Variants in FREM1 observed in about 807,000 individuals in gnomAD.
FREM1 encodes the protein FRAS1 related extracellular matrix 1.
Under a neutral mutation model 210.1 loss-of-function variants are expected in FREM1, and 220 were observed. The observed-to-expected ratio is 1.05, with a 90% CI of 0.94 to 1.17. The LOEUF is 1.17. Among genes scored for constraint, FREM1 ranks in the 50% most tolerant of loss-of-function variants. The pLI, the probability that FREM1 is intolerant of heterozygous loss-of-function variation, is 0.00. For missense variants in FREM1, 3,454 were observed against 2,675.5 expected (o/e 1.29, Z -6.42); for synonymous variants, 1,189 against 980.2 (o/e 1.21, Z -3.98).
chr9:14,792,946 A>C, intron 21 of FREM1, 62 bp from the exon 22 acceptor site: 1 of 995,188 alleles, frequency 1.0e-6, no homozygotes, highest in Admixed American at 2.6e-5. Context: ...AGTAGGGGAC[A>C]CTTATATTGA....
At chr9:14,896,992 G>T (rs962079730) in intron 1 of FREM1, among the ~76,000 whole-genome samples, 1 of 152,124 alleles carries the variant, frequency 6.6e-6, no homozygotes, top group African/African-American at 2.4e-5. Context: ...CAACCACCAT[G>T]AATATTTTTG....
At chr9:14,872,360 G>A (rs1033399747) in intron 1 of FREM1, among the ~76,000 whole-genome samples, 10 of 152,236 alleles carry the variant, frequency 6.6e-5, no homozygotes, top group African/African-American at 2.4e-4. Context: ...GTGGTTTGTA[G>A]TTCTCCTTGA....
At chr9:14,765,557 C>G (rs922207604) in intron 27 of FREM1, among the ~76,000 whole-genome samples, 4 of 152,188 alleles carry the variant, frequency 2.6e-5, no homozygotes, top group African/African-American at 7.2e-5. Context: ...TTCCTAAGAT[C>G]TAGTCTGAAG....
At position 14,811,564 on chromosome 9, in the gene FREM1, C is replaced by G. The variant is rs560933952; in HGVS notation, c.2893+1248G>C. 3.9e-4 allele frequency among the ~76,000 whole-genome samples: 60 copies of G among 152,258 alleles called. 1 individual carries two copies. Among genetic ancestry groups the G allele is most frequent in the African/African-American group, 1.3e-3 (56 of 41,554 alleles). On this transcript the variant is annotated intron_variant, in intron 16 of 36. Transcript: ENST00000380880. The stretch of plus-strand genomic sequence containing the variant: ...CGCTCCTCAGGACAAGGTAATCACC[C>G]AGGAAAGCTTTCCTAAGACTAAACA...
Position 14,741,642 on chromosome 9 carries a change from AG to A in FREM1, c.6255-1409del, listed in dbSNP as rs144763129. Among the ~76,000 whole-genome samples, 547 of 152,348 alleles carry A rather than the reference AG, an allele frequency of 3.6e-3. 2 individuals carry two copies. Among genetic ancestry groups the A allele is most frequent in the African/African-American group, 0.012 (519 of 41,598 alleles). On this transcript the variant is annotated intron_variant, in intron 35 of 36. Coordinates refer to ENST00000380880, the MANE Select transcript of FREM1 (RefSeq NM_001379081.2). The stretch of plus-strand genomic sequence containing the variant: ...TGAAACTTGGGTTAAATATAAGCTG[AG>A]GGAGGGCTTGAGGGACTGTCCCAGT...
intron 23 of FREM1, among the ~76,000 whole-genome samples, chr9:14,786,412 C>CA (rs895423145): frequency 1.1e-4 from 16 of 152,072 alleles, no homozygotes; most frequent in Non-Finnish European, 1.0e-4. Flanking sequence ...ACACAGTGGC[C>CA]AAAAAAATTT....
In FREM1 at chr9:14,868,867, G is replaced by A; in HGVS notation, c.111C>T (p.Gly37=). The change falls in exon 2 of 37, where the codon GGC becomes GGT. Residue 37 remains glycine, a synonymous_variant. Transcript: ENST00000380880. ...SINRGVRVMK[G]HSAFLSGDDL... ...CATCTCCTGACAGGAAGGCAGAGTG[G>A]CCCTTCATCACCCTCACCCCGCGGT... 1 of 1,608,768 alleles carries A rather than the reference G, an allele frequency of 6.2e-7. No homozygotes were observed. The highest frequency in any genetic ancestry group is 1.3e-5 in the African/African-American group (1 of 74,964).
intron 20 of FREM1, among the ~76,000 whole-genome samples, chr9:14,800,509 AT>A (rs1204314267): frequency 6.6e-6 from 1 of 152,224 alleles, no homozygotes; most frequent in East Asian, 1.9e-4. Flanking sequence ...AGAGTAAATT[AT>A]CCCCTCAGAA....
At chr9:14,824,158 A>G (rs767966109) in intron 11 of FREM1, 43 bp from the exon 12 acceptor site, 2 of 1,252,760 alleles carry the variant, frequency 1.6e-6, no homozygotes, top group South Asian at 1.3e-5. Flanking sequence ...ATTTTTAGGT[A>G]AGAAAAATGA....
chr9:14,901,001 C>G (rs1838691012), intron 1 of FREM1, among the ~76,000 whole-genome samples: 1 of 152,184 alleles, frequency 6.6e-6, no homozygotes. Context: ...AGTTTAGCTA[C>G]TAAAATTTTG....
intron 5 of FREM1, among the ~76,000 whole-genome samples, chr9:14,852,412 G>C (rs1017140803): frequency 6.6e-6 from 1 of 152,206 alleles, no homozygotes; most frequent in Non-Finnish European, 1.5e-5. Flanking sequence ...ACAGGGTGAG[G>C]TGTGGTAGCT....
In FREM1 at chr9:14,747,067, G is replaced by C. The variant is rs1016487209; in HGVS notation, c.6010-16C>G. On this transcript the variant is annotated splice_polypyrimidine_tract_variant and intron_variant, in intron 33 of 36. Coordinates refer to ENST00000380880, the MANE Select transcript of FREM1 (RefSeq NM_001379081.2). ...GCAACTGGTCCTTTGGGAAGGAAAG[G>C]CAATTTAGCAATTTAGAATTGACTT... The C allele has an allele frequency of 1.9e-6, 3 of 1,612,360 alleles. No homozygotes were observed. Among genetic ancestry groups the C allele is most frequent in the South Asian group, 2.2e-5 (2 of 90,830 alleles).
chr9:14,747,787 G>T, intron 31 of FREM1, 59 bp from the exon 32 acceptor site: 1 of 976,612 alleles, frequency 1.0e-6, no homozygotes, highest in Non-Finnish European at 1.5e-6. Flanking sequence ...ACTAGCAATA[G>T]GGTAAAACCA....
At chr9:14,810,769 AT>A (rs1287428069) in intron 16 of FREM1, among the ~76,000 whole-genome samples, 6 of 152,356 alleles carry the variant, frequency 3.9e-5, no homozygotes, top group African/African-American at 1.2e-4. Flanking sequence ...TTACAACATA[AT>A]TGCAACTATG....
At chr9:14,862,037 A>G (rs571314882) in intron 3 of FREM1, among the ~76,000 whole-genome samples, 2 of 152,328 alleles carry the variant, frequency 1.3e-5, no homozygotes, top group South Asian at 2.1e-4. Flanking sequence ...TTTTAACTCT[A>G]AAGTCTTAGA....
intron 24 of FREM1, among the ~76,000 whole-genome samples, chr9:14,781,799 G>T (rs1849679751): frequency 1.3e-5 from 2 of 152,156 alleles, no homozygotes; most frequent in Admixed American, 1.3e-4. Flanking sequence ...TGCCTCCCGG[G>T]CTCAAGCAAT....
At chr9:14,860,800 C>CATATATATACGT (rs1267151671) in intron 3 of FREM1, among the ~76,000 whole-genome samples, 1 of 77,146 alleles carries the variant, frequency 1.3e-5, no homozygotes, top group East Asian at 5.0e-4. Context: ...CATATATACA[C>CATATATATACGT]ATATATACAT....
Position 14,905,503 on chromosome 9 carries a change from C to CAGA in FREM1, c.-268+4408_-268+4410dup, listed in dbSNP as rs1316079440. On this transcript the variant is annotated intron_variant, in intron 1 of 36. Coordinates refer to ENST00000380880, the MANE Select transcript of FREM1 (RefSeq NM_001379081.2). ...GAGGAGAATCAGTAAAAAATGAAGA[C>CAGA]AGAATGATTTTCACATTGCCCTTGA... Among the ~76,000 whole-genome samples, 4 of 152,314 alleles carry CAGA rather than the reference C, an allele frequency of 2.6e-5. No homozygotes were observed. The East Asian group carries it at 7.7e-4, about 29-fold the overall frequency.
chr9:14,776,629 T>C lies in FREM1; in HGVS notation c.4443-426A>G, dbSNP rs182805883. 3.3e-4 allele frequency among the ~76,000 whole-genome samples: 50 copies of C among 152,332 alleles called. 1 individual carries two copies. Among genetic ancestry groups the C allele is most frequent in the Middle Eastern group, 3.4e-3 (1 of 294 alleles). On this transcript the variant is annotated intron_variant, in intron 24 of 36. Transcript: ENST00000380880. Reference sequence around the variant, plus strand: ...TTCATTGGTGTGTAATAGACTAAAGTTGTAAGTCTGACAACTGGGAGGCCA... The same window carrying C: ...TTCATTGGTGTGTAATAGACTAAAGCTGTAAGTCTGACAACTGGGAGGCCA...
Sources: allele counts gnomAD v4.1 joint callset (sites outside exome capture counted in the v4.1 genomes callset), GRCh38; gene constraint gnomAD v4.1.1; transcripts MANE v1.5; gene names NCBI Gene and HGNC (gene_info 2026-07-23, HGNC 2026-07-21).